Variants in SHISAL1 observed in about 807,000 individuals in gnomAD.
The protein encoded by SHISAL1 is protein shisa-like-1.
Under a neutral mutation model 22.6 loss-of-function variants are expected in SHISAL1, and 9 were observed. The ratio of observed to expected loss-of-function variants is 0.40; its 90% CI spans 0.24 to 0.70. The LOEUF (loss-of-function observed/expected upper bound fraction) is 0.70. SHISAL1 is among the 30% of genes least tolerant of loss of function. SHISAL1 has a pLI of 0.39. For missense variants in SHISAL1, 246 were observed against 270.6 expected (o/e 0.91, Z 0.64); for synonymous variants, 119 against 115.4 (o/e 1.03, Z -0.20).
rs117186060 is a variant in SHISAL1 at position 44,287,369 on chromosome 22, C to T, written c.282-1624G>A. ...TCGCTCTCTGCCTAGAATGCCTTCC[C>T]TCCTCTCACTTGGCCAAGTTCTTGG... On this transcript the variant is annotated intron_variant, in intron 3 of 4. Coordinates refer to ENST00000381176, the MANE Select transcript of SHISAL1 (RefSeq NM_001099294.2). Among the ~76,000 whole-genome samples the T allele has an allele frequency of 7.7e-4, 117 of 152,328 alleles. 2 individuals are homozygous for T. The East Asian group carries it at 0.019, about 25-fold the overall frequency.
chr22:44,308,830 G>T (rs1164211355), intron 1 of SHISAL1, among the ~76,000 whole-genome samples: 1 of 152,316 alleles, frequency 6.6e-6, no homozygotes, highest in East Asian at 1.9e-4. Flanking sequence ...CAGGGGCCAC[G>T]CTCGGGCCTG....
intron 4 of SHISAL1, among the ~76,000 whole-genome samples, chr22:44,251,804 T>C (rs1057224041): frequency 1.3e-5 from 2 of 152,154 alleles, no homozygotes; most frequent in African/African-American, 4.8e-5. Context: ...CACATGGAAA[T>C]TGTGGGAGTT....
chr22:44,304,483 G>A (rs957304412), intron 1 of SHISAL1, among the ~76,000 whole-genome samples: 1 of 152,188 alleles, frequency 6.6e-6, no homozygotes, highest in East Asian at 1.9e-4. Context: ...CCACTGAAAC[G>A]CAGGCCTCTA....
At chr22:44,330,823 G>A in the SHISAL1 span, among the ~76,000 whole-genome samples, 2 of 151,894 alleles carry the variant, frequency 1.3e-5, no homozygotes, top group Non-Finnish European at 2.9e-5. Context: ...CCCCAGCCCC[G>A]GGCGCGGGAT....
At chr22:44,320,446 G>A in the SHISAL1 span, among the ~76,000 whole-genome samples, 2 of 152,110 alleles carry the variant, frequency 1.3e-5, no homozygotes, top group Non-Finnish European at 2.9e-5. Flanking sequence ...GCCCTGGCCA[G>A]GGCCTTGGAC....
Position 44,296,894 on chromosome 22 carries a change from C to CAG in SHISAL1, c.68-11_68-10dup. The CAG allele has an allele frequency of 1.9e-6, 3 of 1,607,796 alleles. No homozygotes were observed. Among genetic ancestry groups the CAG allele is most frequent in the Non-Finnish European group, 2.6e-6 (3 of 1,176,334 alleles). On this transcript the variant is annotated splice_polypyrimidine_tract_variant and intron_variant, in intron 2 of 4. Coordinates refer to ENST00000381176, the MANE Select transcript of SHISAL1 (RefSeq NM_001099294.2). ...GAAATGTGCAGACAAGACTGGAAGA[C>CAG]AGAGTCACCAGGCTCAGAGGGGTCC...
rs3810624 is a variant in SHISAL1, at chr22:44,245,172, G to C, written c.*4513C>G. 91 of 152,314 alleles carry C rather than the reference G, an allele frequency of 6.0e-4. No homozygotes were observed. The Middle Eastern group carries it at 0.01, about 17-fold the overall frequency. 9.4% of individuals were successfully genotyped at this position (152,314 alleles called of 1,614,324 possible). ...AGCAGGATGATTAAGAATTCCTGCA[G>C]TTTGCTTCCATGATTCCAACCCTAG... On this transcript the variant is annotated 3_prime_UTR_variant, in exon 5 of 5. Coordinates refer to ENST00000381176, the MANE Select transcript of SHISAL1 (RefSeq NM_001099294.2).
chr22:44,270,114 G>A (rs776530102), intron 4 of SHISAL1, among the ~76,000 whole-genome samples: 4 of 152,306 alleles, frequency 2.6e-5, no homozygotes, highest in African/African-American at 7.2e-5. Flanking sequence ...TGTCAGCTGC[G>A]TGGCAGTGGC....
At chr22:44,259,700 G>A (rs896805851) in intron 4 of SHISAL1, among the ~76,000 whole-genome samples, 9 of 152,246 alleles carry the variant, frequency 5.9e-5, no homozygotes, top group Non-Finnish European at 7.4e-5. Context: ...AAGTATATGC[G>A]CCAGAATAGA....
the SHISAL1 span, among the ~76,000 whole-genome samples, chr22:44,327,847 A>C: frequency 6.6e-6 from 1 of 152,156 alleles, no homozygotes; most frequent in Non-Finnish European, 1.5e-5. Context: ...ATCCTGGCTC[A>C]GATGTCCAGA....
At chr22:44,266,528 A>ATGGGTATGTG (rs370971639) in intron 4 of SHISAL1, among the ~76,000 whole-genome samples, 64 of 108,406 alleles carry the variant, frequency 5.9e-4, no homozygotes, top group South Asian at 3.5e-3. Flanking sequence ...GCTTTGGGGT[A>ATGGGTATGTG]TGTGTGTGTG....
intron 4 of SHISAL1, among the ~76,000 whole-genome samples, chr22:44,274,206 C>T (rs2055224357): frequency 6.6e-6 from 1 of 152,096 alleles, no homozygotes; most frequent in African/African-American, 2.4e-5. Context: ...GCCAAGATCA[C>T]ACCACTGCAC....
the SHISAL1 span, among the ~76,000 whole-genome samples, chr22:44,330,791 AGGCTGCCGCCGG>A: frequency 6.6e-6 from 1 of 152,088 alleles, no homozygotes; most frequent in African/African-American, 2.4e-5. Context: ...TGAGCTTCCG[AGGCTGCCGCCGG>A]GCCGGGCCAC....
chr22:44,316,266 G>A (rs939449309), upstream of SHISAL1, among the ~76,000 whole-genome samples: 1 of 152,116 alleles, frequency 6.6e-6, no homozygotes, highest in African/African-American at 2.4e-5. Flanking sequence ...TTGGGACCTC[G>A]GACAAGTGAG....
intron 4 of SHISAL1, among the ~76,000 whole-genome samples, chr22:44,277,580 G>A (rs1342997997): frequency 6.6e-6 from 1 of 152,202 alleles, no homozygotes; most frequent in Admixed American, 6.5e-5. Context: ...GCAGGGATGT[G>A]GAGGGGATCC....
chr22:44,309,670 C>T (rs1422396255), intron 1 of SHISAL1, among the ~76,000 whole-genome samples: 1 of 152,190 alleles, frequency 6.6e-6, no homozygotes, highest in Non-Finnish European at 1.5e-5. Flanking sequence ...TGTGTGCATG[C>T]CTGTCTCCAC....
chr22:44,323,081 C>CCCATCCAT, the SHISAL1 span, among the ~76,000 whole-genome samples: 2 of 129,244 alleles, frequency 1.5e-5, no homozygotes, highest in East Asian at 5.8e-4. Flanking sequence ...CACCCATCCA[C>CCCATCCAT]CCATCCATCC....
At chr22:44,290,779 A>T (rs777198507) in intron 3 of SHISAL1, among the ~76,000 whole-genome samples, 2 of 152,162 alleles carry the variant, frequency 1.3e-5, no homozygotes, top group Non-Finnish European at 2.9e-5. Flanking sequence ...CTGTGAGATA[A>T]CACGAGGGCC....
At chr22:44,316,134 C>T (rs1047315981), upstream of SHISAL1, among the ~76,000 whole-genome samples, 7 of 152,116 alleles carry the variant, frequency 4.6e-5, no homozygotes, top group Admixed American at 2.0e-4. Flanking sequence ...CAGGCCCCCA[C>T]GTGGAATCCA....
Sources: gnomAD v4.1 joint callset for allele counts (sites outside exome capture counted in the v4.1 genomes callset) on GRCh38, gnomAD v4.1.1 for gene constraint, MANE v1.5 for transcripts, NCBI Gene and HGNC (gene_info 2026-07-23, HGNC 2026-07-21) for gene names.